Variants in ABCA13 observed in about 807,000 individuals in gnomAD.
ABCA13 encodes ATP-binding cassette sub-family A member 13.
A neutral mutation model predicts 478.7 loss-of-function variants in ABCA13; 476 were observed. That is an observed-to-expected ratio of 0.99 (90% confidence interval 0.92 to 1.07). The LOEUF (loss-of-function observed/expected upper bound fraction) is 1.07, where lower values mean the gene tolerates loss of function less well. Among genes scored for constraint, ABCA13 ranks in the 50% least tolerant of loss-of-function variants. The pLI is 0.00. For missense variants in ABCA13, 6,060 were observed against 5,910.6 expected, an observed-to-expected ratio of 1.03 and a Z score of -0.83; for synonymous variants, 2,252 against 2,158.9, an observed-to-expected ratio of 1.04 and a Z score of -1.20.
At chr7:48,391,326 T>G (rs1033547824) in intron 37 of ABCA13, among the ~76,000 whole-genome samples, 2 of 152,248 alleles carry the variant, frequency 1.3e-5, no homozygotes, top group East Asian at 3.8e-4. Flanking sequence ...ACAACTATAA[T>G]GCTCTATGAT....
rs752504520 is a variant in ABCA13, at chr7:48,403,802, T to A, written c.11993T>A (p.Val3998Asp). 8.7e-6 allele frequency: 14 copies of A among 1,613,790 alleles called. No homozygotes were observed. The change falls in exon 39 of 62, where the codon GTT becomes GAT. Residue 3998 changes from valine (V) to aspartate (D), a missense_variant. This residue lies in a region of ABCA13 where 1,627 missense variants were observed against 1,571.0 expected (regional missense o/e 1.04). Transcript: ENST00000435803. ...TTCATGGGCATGTCGAGGACCGTGG[T>A]TCTGGATGAGCCCACCAGTGGGGTG... The part of the protein sequence containing the change: ...IAFMGMSRTV[V>D]LDEPTSGVDP...
In ABCA13 at chr7:48,455,067, A is replaced by T. The variant is rs1159975599; in HGVS notation, c.12596A>T (p.Gln4199Leu). Residue 4199 changes from glutamine (Q) to leucine (L), a missense_variant, in exon 43 of 62, where the codon CAG becomes CTG. Around this residue, in one of 3 missense-constraint regions of ABCA13, gnomAD observed 1,627 missense variants for 1,571.0 expected, o/e 1.04. Transcript: ENST00000435803. ...CGSLARPATV[Q>L]GVQLLRAQVA... is the part of the protein sequence containing the mutation. Reference sequence around the variant, plus strand: ...TCCCTAGCACGGCCCGCAACTGTGCAGGGCGTCCAGCTGCTCCGCGCACAA... The same window carrying T: ...TCCCTAGCACGGCCCGCAACTGTGCTGGGCGTCCAGCTGCTCCGCGCACAA... 6.5e-7 allele frequency: 1 copy of T among 1,540,536 alleles called. No individual in the cohort carries two copies. The highest frequency in any genetic ancestry group is 8.7e-7 in the Non-Finnish European group (1 of 1,144,784).
intron 1 of ABCA13, among the ~76,000 whole-genome samples, chr7:48,185,190 T>C (rs1796199944): frequency 6.6e-6 from 1 of 152,236 alleles, no homozygotes; most frequent in Non-Finnish European, 1.5e-5. Flanking sequence ...TTATTGTCCC[T>C]TTGATTTGTC....
At chr7:48,507,534 G>C (rs1420046737) in intron 49 of ABCA13, among the ~76,000 whole-genome samples, 3 of 152,142 alleles carry the variant, frequency 2.0e-5, no homozygotes, top group Non-Finnish European at 4.4e-5. Context: ...TGTGGGCAAA[G>C]GTCACAGCTT....
At chr7:48,197,646 G>C (rs1441041325) in intron 2 of ABCA13, among the ~76,000 whole-genome samples, 1 of 148,348 alleles carries the variant, frequency 6.7e-6, no homozygotes, top group African/African-American at 2.4e-5. Context: ...CCCTCCTGAT[G>C]GTGTGAAGGG....
At position 48,298,598 on chromosome 7, in the gene ABCA13, G is replaced by A. The variant is rs115404783; in HGVS notation, c.9321+111G>A. 850 of 1,280,576 alleles carry A rather than the reference G, an allele frequency of 6.6e-4. 8 individuals are homozygous for A. In the African/African-American group the frequency reaches 0.011, roughly 17 times the overall value. 79.3% of individuals were successfully genotyped at this position (1,280,576 alleles called of 1,614,324 possible). On this transcript the variant is annotated intron_variant, in intron 23 of 61. Transcript: ENST00000435803. ...TTCTTGCCTTCCTCTCCTTTGGCTA[G>A]TGTAGTGGGTTGCTGCACAAATGAT... is the stretch of plus-strand genomic sequence containing the variant.
At chr7:48,566,853 G>C (rs1259964309) in intron 55 of ABCA13, among the ~76,000 whole-genome samples, 3 of 152,134 alleles carry the variant, frequency 2.0e-5, no homozygotes, top group Non-Finnish European at 2.9e-5. Flanking sequence ...AGTACAGTTT[G>C]ACTTAACATG....
At chr7:48,427,682 G>C in intron 41 of ABCA13, 84 bp from the exon 42 acceptor site, 1 of 852,952 alleles carries the variant, frequency 1.2e-6, no homozygotes, top group Non-Finnish European at 1.9e-6. Context: ...GTCACAACCG[G>C]ATTAGGCAAT....
chr7:48,622,800 A>G (rs1285420445), intron 59 of ABCA13, among the ~76,000 whole-genome samples: 1 of 152,158 alleles, frequency 6.6e-6, no homozygotes, highest in Non-Finnish European at 1.5e-5. Context: ...CCTCATGACA[A>G]TCCTACAAAG....
intron 55 of ABCA13, among the ~76,000 whole-genome samples, chr7:48,538,422 A>ATTATTT (rs1833743792): frequency 6.6e-6 from 1 of 151,880 alleles, no homozygotes; most frequent in South Asian, 2.1e-4. Flanking sequence ...TTCCTTCAAT[A>ATTATTT]TTTTTACAAA....
In ABCA13 at chr7:48,171,697, C is replaced by A; in HGVS notation, c.69+145C>A. On this transcript the variant is annotated intron_variant, in intron 1 of 61. Coordinates refer to ENST00000435803, the MANE Select transcript of ABCA13 (RefSeq NM_152701.5). Reference sequence around the variant, plus strand: ...TTGGGGAGGTTGGATTATTTTAAATCAAAACCCGTCCCAAGGGCCAAAGTA... The same window carrying A: ...TTGGGGAGGTTGGATTATTTTAAATAAAAACCCGTCCCAAGGGCCAAAGTA... The A allele has an allele frequency of 3.4e-6, 3 of 883,100 alleles. No homozygotes were observed. In the South Asian group the frequency reaches 4.9e-5, roughly 14 times the overall value. The allele number at this position is 883,100 out of a possible 1,614,324, so 54.7% of individuals were successfully genotyped here. A position where few individuals can be genotyped will look rare whatever the true frequency, so the allele number is the denominator to read the frequency against.
At chr7:48,368,450 A>G (rs549108052) in intron 32 of ABCA13, among the ~76,000 whole-genome samples, 150 of 151,994 alleles carry the variant, frequency 9.9e-4, no homozygotes, top group Non-Finnish European at 1.4e-3. Flanking sequence ...GTCTTTTATC[A>G]ATCACCATCC....
intron 55 of ABCA13, among the ~76,000 whole-genome samples, chr7:48,557,656 T>C (rs1208548932): frequency 6.6e-6 from 1 of 152,154 alleles, no homozygotes. Flanking sequence ...GGAGTTTGAT[T>C]ATTAAATGGC....
At chr7:48,281,113 G>A (rs1215532038) in intron 18 of ABCA13, among the ~76,000 whole-genome samples, 1 of 152,148 alleles carries the variant, frequency 6.6e-6, no homozygotes, top group Non-Finnish European at 1.5e-5. Flanking sequence ...CAAGTATTAA[G>A]CTTATTGGCC....
rs34600350 is a variant in ABCA13, at chr7:48,606,117, CT to C, written c.14745-9162del. Among the ~76,000 whole-genome samples, 4 of 152,050 alleles carry C rather than the reference CT, an allele frequency of 2.6e-5. No individual in the cohort carries two copies. In the East Asian group the frequency reaches 7.7e-4, roughly 29 times the overall value. On this transcript the variant is annotated intron_variant, in intron 58 of 61. Transcript: ENST00000435803. ...TATTTTAGTTAGCAGTTCATCTAAC[CT>C]TTTTTCAAGGTTCTTAGCTTCCTTG... is the stretch of plus-strand genomic sequence containing the variant.
intron 10 of ABCA13, among the ~76,000 whole-genome samples, chr7:48,242,422 C>CTT (rs1417722568): frequency 3.9e-5 from 6 of 152,030 alleles, no homozygotes; most frequent in African/African-American, 1.4e-4. Flanking sequence ...TGTCCATCTG[C>CTT]TGTTTTTTTT....
At chr7:48,481,294 T>A in intron 46 of ABCA13, 140 bp downstream of exon 46, 1 of 670,858 alleles carries the variant, frequency 1.5e-6, no homozygotes, top group African/African-American at 1.8e-5. Context: ...TGTGTGATGT[T>A]CCCCTTCCTG....
At chr7:48,261,957 A>G (rs1794244201) in intron 15 of ABCA13, among the ~76,000 whole-genome samples, 1 of 151,910 alleles carries the variant, frequency 6.6e-6, no homozygotes, top group Non-Finnish European at 1.5e-5. Context: ...CTCCCATAAG[A>G]TGATTCTCAG....
At chr7:48,203,960 A>T (rs946372431) in intron 3 of ABCA13, among the ~76,000 whole-genome samples, 2 of 151,684 alleles carry the variant, frequency 1.3e-5, no homozygotes, top group Admixed American at 6.6e-5. Flanking sequence ...TTTTTTCTCC[A>T]TTCTCAAACA....
Sources: gnomAD v4.1 joint callset for allele counts (sites outside exome capture counted in the v4.1 genomes callset) on GRCh38, gnomAD v4.1.1 for gene constraint, gnomAD v4.1.1 regional missense constraint, MANE v1.5 for transcripts, NCBI Gene and HGNC (gene_info 2026-07-23, HGNC 2026-07-21) for gene names.